SMAP2: variants seen among roughly 807,000 people sequenced by gnomAD.
SMAP2 encodes the protein small ArfGAP2, also known as stromal membrane-associated protein 2.
A neutral mutation model predicts 56.4 loss-of-function variants in SMAP2; 25 were observed. The observed-to-expected ratio is 0.44, with a 90% CI of 0.32 to 0.62. SMAP2 has a LOEUF of 0.62. Ranked by LOEUF, SMAP2 falls within the 20% of genes least tolerant of loss-of-function variation. The pLI is 0.04. For synonymous variants in SMAP2, 157 were observed against 181.7 expected (o/e 0.86, Z 1.09); for missense variants, 388 against 545.6 (o/e 0.71, Z 2.88).
intron 1 of SMAP2, among the ~76,000 whole-genome samples, chr1:40,352,738 G>A (rs1489861760): frequency 6.6e-6 from 1 of 151,960 alleles, no homozygotes; most frequent in Non-Finnish European, 1.5e-5. Context: ...ATGTTGCCCA[G>A]GCTGGTCTCA....
chr1:40,384,913 A>C (rs1644638621), intron 1 of SMAP2, among the ~76,000 whole-genome samples: 1 of 152,168 alleles, frequency 6.6e-6, no homozygotes, highest in African/African-American at 2.4e-5. Flanking sequence ...AATAAATATA[A>C]TATTTCACTG....
At position 40,404,789 on chromosome 1, in the gene SMAP2, C is replaced by A. The variant is rs956550220; in HGVS notation, c.104-1947C>A. ...AAACTGTAACCTAAAATGGATATAC[C>A]ACATGTTAAGAAACCCCATTTACAT... On this transcript the variant is annotated intron_variant, in intron 1 of 9. Transcript: ENST00000372718. Among the ~76,000 whole-genome samples, 14 of 151,766 alleles carry A rather than the reference C, an allele frequency of 9.2e-5. 1 individual carries two copies. Among genetic ancestry groups the A allele is most frequent in the East Asian group, 5.8e-4 (3 of 5,176 alleles).
intron 1 of SMAP2, chr1:40,396,931 C>CT (rs922067625): frequency 6.7e-5 from 56 of 834,012 alleles, no homozygotes; most frequent in Middle Eastern, 6.0e-4. Context: ...AATACTGCTG[C>CT]TTTTTTTACT....
intron 1 of SMAP2, among the ~76,000 whole-genome samples, chr1:40,393,928 C>G (rs1376943338): frequency 6.6e-6 from 1 of 152,114 alleles, no homozygotes; most frequent in East Asian, 1.9e-4. Context: ...TCTAAATGGT[C>G]TCCATTTTCT....
At position 40,386,660 on chromosome 1, in the gene SMAP2, GTTTTC is replaced by G. The variant is rs1301013795; in HGVS notation, c.103+12439_103+12443del. ...TTGTTGCCATAGGAACAGACCAGTTGTTTTCTGTCTTGTGGGATTTTAGGAGCTGG... is the reference window on the plus strand; with the variant it reads ...TTGTTGCCATAGGAACAGACCAGTTGTGTCTTGTGGGATTTTAGGAGCTGG... On this transcript the variant is annotated intron_variant, in intron 1 of 9. Coordinates refer to ENST00000372718, the MANE Select transcript of SMAP2 (RefSeq NM_022733.3). The surrounding 1 kb of genome is among the most constrained non-coding windows in gnomAD (Gnocchi z 4.1). Among the ~76,000 whole-genome samples, 8,739 of 152,076 alleles carry G rather than the reference GTTTTC, an allele frequency of 0.057. 839 individuals are homozygous for G. The highest frequency in any genetic ancestry group is 0.2 in the African/African-American group (8,252 of 41,404).
intron 1 of SMAP2, among the ~76,000 whole-genome samples, chr1:40,389,878 C>G (rs1449755863): frequency 6.6e-6 from 1 of 152,078 alleles, no homozygotes; most frequent in Non-Finnish European, 1.5e-5. Flanking sequence ...CTTACTTGGG[C>G]TCTTTTGAAA....
chr1:40,352,406 A>G (rs1209069613), intron 1 of SMAP2, among the ~76,000 whole-genome samples: 2 of 152,152 alleles, frequency 1.3e-5, no homozygotes, highest in South Asian at 2.1e-4. Context: ...CTCTCTGCCT[A>G]TAATGTTCTC....
chr1:40,374,594 T>TGC lies in SMAP2; in HGVS notation c.103+373_103+374dup. 1 of 1,323,890 alleles carries TGC rather than the reference T, an allele frequency of 7.6e-7. No homozygotes were observed. The allele number at this position is 1,323,890 out of a possible 1,614,324, so 82.0% of individuals were successfully genotyped here. Reference sequence around the variant, plus strand: ...GAACTGCATTGCGTGCGTGCGTGCGTGCGTGTGTGTGTGTGTGTGTGTGTG... The same window carrying TGC: ...GAACTGCATTGCGTGCGTGCGTGCGTGCGCGTGTGTGTGTGTGTGTGTGTGTG... On this transcript the variant is annotated intron_variant, in intron 1 of 9. Transcript: ENST00000372718. This position sits in a 1 kb window ranked among gnomAD's most constrained non-coding sequence, Gnocchi z 5.9.
rs143315305 is a variant in SMAP2, at chr1:40,422,897, AGT to A, written c.*809_*810del. ...CGTGTACTGCTTGTGTGTGTGCGTG[AGT>A]GTGTGTGTGTGTATGAGTGTGTGTT... On this transcript the variant is annotated 3_prime_UTR_variant, in exon 10 of 10. Transcript: ENST00000372718. The A allele has an allele frequency of 8.6e-5, 13 of 151,856 alleles. No homozygotes were observed. Among genetic ancestry groups the A allele is most frequent in the East Asian group, 3.9e-4 (2 of 5,152 alleles). 9.4% of individuals were successfully genotyped at this position (151,856 alleles called of 1,614,324 possible).
chr1:40,370,910 C>A (rs1038205825), upstream of SMAP2, among the ~76,000 whole-genome samples: 1 of 151,158 alleles, frequency 6.6e-6, no homozygotes, highest in Non-Finnish European at 1.5e-5. Flanking sequence ...CGCGGTGGCT[C>A]ATGCCAGTAA....
intron 1 of SMAP2, among the ~76,000 whole-genome samples, chr1:40,357,654 T>G (rs891967445): frequency 6.6e-6 from 1 of 152,186 alleles, no homozygotes; most frequent in Non-Finnish European, 1.5e-5. Flanking sequence ...AGGTATGCAG[T>G]TTCCCTAGCA....
intron 5 of SMAP2, 137 bp downstream of exon 5, chr1:40,413,239 C>G (rs576670764): frequency 1.4e-6 from 1 of 695,140 alleles, no homozygotes; most frequent in African/African-American, 1.8e-5. Flanking sequence ...CTGGATTGGA[C>G]TGCCTGCTAT....
intron 2 of SMAP2, chr1:40,364,769 C>CTGTG (rs2124182034): frequency 6.6e-6 from 1 of 150,616 alleles, no homozygotes; most frequent in South Asian, 2.1e-4. Context: ...TGGCTCAAGG[C>CTGTG]TGTGGATATC....
At chr1:40,409,904 C>A in intron 4 of SMAP2, 69 bp downstream of exon 4, 1 of 1,032,574 alleles carries the variant, frequency 9.7e-7, no homozygotes. Context: ...CCAGAGAACA[C>A]GTTGAAGAAC....
chr1:40,417,249 CTAGAAGGTCTGTCTAAAGTCAGACT>C (rs1318953401), intron 9 of SMAP2, among the ~76,000 whole-genome samples, 153 bp downstream of exon 9: 8 of 131,652 alleles, frequency 6.1e-5, no homozygotes, highest in Non-Finnish European at 1.1e-4. Flanking sequence ...TTTTTTTTTC[CTAGAAGGTCTGTCTAAAGTCAGACT>C]TTCTGAGGAG....
intron 1 of SMAP2, among the ~76,000 whole-genome samples, chr1:40,348,769 C>A (rs565084097): frequency 2.7e-4 from 40 of 147,256 alleles, no homozygotes; most frequent in Non-Finnish European, 4.7e-4. Context: ...AATACTATTT[C>A]TTTCTTTCTT....
intron 1 of SMAP2, among the ~76,000 whole-genome samples, chr1:40,354,225 C>T (rs1358242857): frequency 6.6e-6 from 1 of 152,132 alleles, no homozygotes; most frequent in East Asian, 1.9e-4. Context: ...GAGGGATGCT[C>T]ATCCAAGGGT....
intron 1 of SMAP2, among the ~76,000 whole-genome samples, chr1:40,388,201 C>G (rs546267809): frequency 6.6e-6 from 1 of 152,186 alleles, no homozygotes; most frequent in South Asian, 2.1e-4. Flanking sequence ...CCACGGCACC[C>G]GGTCCCATCA....
chr1:40,399,989 A>G (rs1462818980), intron 1 of SMAP2, among the ~76,000 whole-genome samples: 1 of 152,210 alleles, frequency 6.6e-6, no homozygotes, highest in East Asian at 1.9e-4. Context: ...GTAAGGTAAA[A>G]ACCAAAAGAA....
Sources: gnomAD v4.1 joint callset for allele counts (sites outside exome capture counted in the v4.1 genomes callset) on GRCh38, gnomAD v4.1.1 for gene constraint, Gnocchi (gnomAD v3.1) non-coding constraint, MANE v1.5 for transcripts, NCBI Gene and HGNC (gene_info 2026-07-23, HGNC 2026-07-21) for gene names.